The following TRABD2B variants were observed in gnomAD, a reference collection of about 807,000 sequenced individuals.
TRABD2B encodes the protein metalloprotease TIKI2.
TRABD2B carries 14 observed loss-of-function variants against 40.1 expected under a neutral mutation model. That is an observed-to-expected ratio of 0.35 (90% CI 0.23 to 0.55). The LOEUF (loss-of-function observed/expected upper bound fraction) is 0.55, where lower values mean the gene tolerates loss of function less well. TRABD2B is among the 20% of genes least tolerant of loss of function. The pLI, the probability that TRABD2B is intolerant of heterozygous loss-of-function variation, is 0.90. For missense variants in TRABD2B, 541 were observed against 648.6 expected (o/e 0.83, Z 1.80); for synonymous variants, 263 against 277.0 (o/e 0.95, Z 0.50).
chr1:47,955,174 A>C (rs1424124385), intron 2 of TRABD2B, among the ~76,000 whole-genome samples: 1 of 151,786 alleles, frequency 6.6e-6, no homozygotes, highest in South Asian at 2.1e-4. Flanking sequence ...CCTTCATGAC[A>C]TTTCTCCCAT....
intron 2 of TRABD2B, among the ~76,000 whole-genome samples, chr1:47,961,668 A>G (rs1570373657): frequency 6.6e-6 from 1 of 152,186 alleles, no homozygotes; most frequent in Admixed American, 6.5e-5. Context: ...ATGAGATACC[A>G]TCTCACACCA....
At chr1:47,785,301 C>T (rs1218614362) in intron 4 of TRABD2B, among the ~76,000 whole-genome samples, 1 of 152,166 alleles carries the variant, frequency 6.6e-6, no homozygotes, top group African/African-American at 2.4e-5. Flanking sequence ...GTGAGTGCTC[C>T]ACCCTGGGAG....
chr1:47,822,170 A>G (rs936799444), intron 2 of TRABD2B, among the ~76,000 whole-genome samples: 1 of 151,452 alleles, frequency 6.6e-6, no homozygotes, highest in African/African-American at 2.4e-5. Flanking sequence ...ACACACACAA[A>G]CACACATACA....
At position 47,994,654 on chromosome 1, in the gene TRABD2B, G is replaced by T; in HGVS notation, c.103-57C>A. On this transcript the variant is annotated intron_variant, in intron 1 of 6. Transcript: ENST00000606738. The surrounding 1 kb of genome is among the most constrained non-coding windows in gnomAD (Gnocchi z 6.7). ...GGCCGAAGGCAACAGAGTAGAGTCA[G>T]GGTAGCCCAGAGGCACGTTGCAGAG... 1 of 1,468,152 alleles carries T rather than the reference G, an allele frequency of 6.8e-7. No individual in the cohort carries two copies. The highest frequency in any genetic ancestry group is 1.3e-5 in the South Asian group (1 of 75,112). 90.9% of individuals were successfully genotyped at this position (1,468,152 alleles called of 1,614,324 possible).
At chr1:47,856,369 A>G (rs980173231) in intron 2 of TRABD2B, among the ~76,000 whole-genome samples, 6 of 152,244 alleles carry the variant, frequency 3.9e-5, no homozygotes, top group African/African-American at 1.2e-4. Flanking sequence ...AATATTAGTG[A>G]GTGAACGCAT....
intron 3 of TRABD2B, among the ~76,000 whole-genome samples, chr1:47,797,001 A>C (rs1045342174): frequency 1.3e-5 from 2 of 152,200 alleles, no homozygotes; most frequent in Non-Finnish European, 2.9e-5. Flanking sequence ...CACCAAATAA[A>C]TATTTGTCTA....
chr1:47,816,437 T>C (rs886759446), intron 2 of TRABD2B, among the ~76,000 whole-genome samples: 2 of 152,242 alleles, frequency 1.3e-5, no homozygotes, highest in African/African-American at 4.8e-5. Context: ...TCCTGCTCCC[T>C]AACCTCCTTG....
At chr1:47,878,775 C>A (rs1644259601) in intron 2 of TRABD2B, among the ~76,000 whole-genome samples, 1 of 151,946 alleles carries the variant, frequency 6.6e-6, no homozygotes, top group African/African-American at 2.4e-5. Context: ...ATGGTATTCA[C>A]AAATAAATAA....
At chr1:47,981,737 T>C (rs1215294399) in intron 2 of TRABD2B, among the ~76,000 whole-genome samples, 3 of 152,156 alleles carry the variant, frequency 2.0e-5, no homozygotes. Flanking sequence ...AATTAATTAT[T>C]TATGGGGAAT....
chr1:47,793,008 A>G (rs369593533), intron 4 of TRABD2B, among the ~76,000 whole-genome samples: 2 of 152,004 alleles, frequency 1.3e-5, no homozygotes, highest in East Asian at 3.9e-4. Context: ...TTCCCTGCAC[A>G]GTCCTCAAAG....
At chr1:47,892,566 G>A (rs1644463031) in intron 2 of TRABD2B, among the ~76,000 whole-genome samples, 1 of 152,168 alleles carries the variant, frequency 6.6e-6, no homozygotes, top group African/African-American at 2.4e-5. Flanking sequence ...AGAGGACTGA[G>A]GACTGAGCCC....
chr1:47,941,279 A>G (rs575682953), intron 2 of TRABD2B, among the ~76,000 whole-genome samples: 1 of 151,442 alleles, frequency 6.6e-6, no homozygotes, highest in African/African-American at 2.4e-5. Flanking sequence ...GTGTCTCATT[A>G]CCCTCCCCCG....
intron 2 of TRABD2B, among the ~76,000 whole-genome samples, chr1:47,919,595 C>T (rs1289043667): frequency 6.6e-6 from 1 of 152,230 alleles, no homozygotes; most frequent in African/African-American, 2.4e-5. Context: ...GTCTCCCCAT[C>T]TGTAAAATGA....
chr1:47,837,879 T>C (rs764166574), intron 2 of TRABD2B, among the ~76,000 whole-genome samples: 2 of 152,196 alleles, frequency 1.3e-5, no homozygotes, highest in Non-Finnish European at 2.9e-5. Context: ...TTATAGCCCA[T>C]GGTTCATCTC....
At chr1:47,990,810 TATATATATATATATATATATATATAA>T (rs1645997707) in intron 2 of TRABD2B, among the ~76,000 whole-genome samples, 1 of 81,904 alleles carries the variant, frequency 1.2e-5, no homozygotes, top group Admixed American at 1.2e-4. Context: ...TATATATATA[TATATATATATATATATATATATATAA>T]AACGTTGGTT....
At chr1:47,950,614 T>C (rs1296471905) in intron 2 of TRABD2B, among the ~76,000 whole-genome samples, 4 of 152,144 alleles carry the variant, frequency 2.6e-5, no homozygotes, top group African/African-American at 9.7e-5. Context: ...ATGTGAAGAA[T>C]GGCTTCAGCC....
chr1:47,788,742 G>A (rs1320990534), intron 4 of TRABD2B, among the ~76,000 whole-genome samples: 1 of 152,208 alleles, frequency 6.6e-6, no homozygotes, highest in Non-Finnish European at 1.5e-5. Context: ...AATGTCAGAA[G>A]TTAGAATTAT....
chr1:47,770,842 C>T (rs577555386), intron 6 of TRABD2B, among the ~76,000 whole-genome samples: 2 of 152,334 alleles, frequency 1.3e-5, no homozygotes, highest in South Asian at 4.1e-4. Flanking sequence ...GGCTGGTCAT[C>T]TCAGACCAGA....
At chr1:47,801,000 T>C (rs942250213) in intron 3 of TRABD2B, among the ~76,000 whole-genome samples, 2 of 151,786 alleles carry the variant, frequency 1.3e-5, no homozygotes, top group South Asian at 2.1e-4. Context: ...CATGGTGGAG[T>C]CTGAGCAGGG....
Sources: allele counts gnomAD v4.1 joint callset (sites outside exome capture counted in the v4.1 genomes callset), GRCh38; gene constraint gnomAD v4.1.1; non-coding constraint Gnocchi (gnomAD v3.1); transcripts MANE v1.5; gene names NCBI Gene and HGNC (gene_info 2026-07-23, HGNC 2026-07-21).